SLC35F1: variants seen among roughly 807,000 people sequenced by gnomAD.
The protein encoded by SLC35F1 is solute carrier family 35 member F1.
SLC35F1 carries 14 observed loss-of-function variants against 48.7 expected under a neutral mutation model. That is an observed-to-expected ratio of 0.29 (90% confidence interval 0.19 to 0.45). The LOEUF is 0.45. Among genes scored for constraint, SLC35F1 ranks in the 20% least tolerant of loss-of-function variants. SLC35F1 has a pLI of 1.00. For missense variants in SLC35F1, 404 were observed against 500.0 expected (o/e 0.81, Z 1.83); for synonymous variants, 190 against 202.2 (o/e 0.94, Z 0.51).
intron 1 of SLC35F1, among the ~76,000 whole-genome samples, chr6:118,032,566 T>A (rs770428994): frequency 1.3e-5 from 2 of 152,178 alleles, no homozygotes; most frequent in Non-Finnish European, 2.9e-5. Context: ...GAAAAAATAA[T>A]AGTAATGTAG....
At chr6:118,076,428 C>A (rs984556842) in intron 1 of SLC35F1, among the ~76,000 whole-genome samples, 1 of 152,170 alleles carries the variant, frequency 6.6e-6, no homozygotes, top group African/African-American at 2.4e-5. Flanking sequence ...CACGGTTCTA[C>A]AGGCCGTACA....
rs185752454 is a variant in SLC35F1, at chr6:118,243,645, T to C, written c.477+8009T>C. Among the ~76,000 whole-genome samples the C allele has an allele frequency of 6.8e-4, 104 of 152,300 alleles. 1 individual carries two copies. The highest frequency in any genetic ancestry group is 2.4e-3 in the African/African-American group (100 of 41,550). ...TAGGTTTCATGTAAGTGTGGTCCCA[T>C]AGTCAAGAAGTATGACAGATGACAG... On this transcript the variant is annotated intron_variant, in intron 3 of 7. Transcript: ENST00000360388.
intron 1 of SLC35F1, among the ~76,000 whole-genome samples, chr6:118,088,730 G>A (rs567855321): frequency 6.6e-6 from 1 of 152,328 alleles, no homozygotes; most frequent in South Asian, 2.1e-4. Context: ...TTCAGCCATA[G>A]GGGTGATGGA....
intron 2 of SLC35F1, among the ~76,000 whole-genome samples, chr6:118,207,873 G>T (rs1205696401): frequency 6.6e-6 from 1 of 152,100 alleles, no homozygotes; most frequent in Non-Finnish European, 1.5e-5. Context: ...ATATTTAATG[G>T]AATTAGCTAC....
At chr6:118,102,078 C>T (rs948225834) in intron 1 of SLC35F1, among the ~76,000 whole-genome samples, 6 of 152,188 alleles carry the variant, frequency 3.9e-5, no homozygotes, top group African/African-American at 1.4e-4. Flanking sequence ...TTTATGATGG[C>T]CATGGCAGCT....
At chr6:118,285,428 T>G in intron 7 of SLC35F1, 90 bp downstream of exon 7, 2 of 1,454,748 alleles carry the variant, frequency 1.4e-6, no homozygotes, top group Non-Finnish European at 1.9e-6. Context: ...AATGCCCTGA[T>G]TTTGTGTAGG....
chr6:118,315,238 G>A lies in SLC35F1; in HGVS notation c.*986G>A, dbSNP rs1776417470. ...ACCTTTTTAAAAATACACCAGCATG[G>A]AAATTACCTTTATTGTGGAAAATCA... On this transcript the variant is annotated 3_prime_UTR_variant, in exon 8 of 8. Transcript: ENST00000360388. 6.6e-6 allele frequency: 1 copy of A among 152,484 alleles called. No homozygotes were observed. The highest frequency in any genetic ancestry group is 1.5e-5 in the Non-Finnish European group (1 of 68,012). 9.4% of individuals were successfully genotyped at this position (152,484 alleles called of 1,614,324 possible).
intron 1 of SLC35F1, among the ~76,000 whole-genome samples, chr6:118,007,034 T>G (rs548647821): frequency 1.0e-3 from 159 of 152,244 alleles, no homozygotes; most frequent in African/African-American, 3.6e-3. Context: ...CATGTTGTTT[T>G]TTTTTTTTAC....
intron 6 of SLC35F1, among the ~76,000 whole-genome samples, chr6:118,277,781 A>T (rs1775935487): frequency 6.6e-6 from 1 of 152,084 alleles, no homozygotes; most frequent in Admixed American, 6.5e-5. Flanking sequence ...AGATGCCATT[A>T]GGGGAGACAC....
At chr6:118,052,580 T>C (rs761729196) in intron 1 of SLC35F1, among the ~76,000 whole-genome samples, 1 of 152,226 alleles carries the variant, frequency 6.6e-6, no homozygotes, top group Non-Finnish European at 1.5e-5. Context: ...TCAGATATTA[T>C]CACCTTCTTT....
At chr6:117,917,780 C>CAGAGTGTGGAATTCTGGGGAGAAGTA (rs1775845388) in intron 1 of SLC35F1, among the ~76,000 whole-genome samples, 3 of 151,920 alleles carry the variant, frequency 2.0e-5, no homozygotes, top group Non-Finnish European at 2.9e-5. Context: ...GGGGAGAAGT[C>CAGAGTGTGGAATTCTGGGGAGAAGTA]AGAGCTTGGA....
chr6:118,092,371 A>T, intron 1 of SLC35F1, among the ~76,000 whole-genome samples: 1 of 152,184 alleles, frequency 6.6e-6, no homozygotes, highest in East Asian at 1.9e-4. Context: ...CTCCACCTAG[A>T]TTTCAGAGGA....
chr6:118,089,348 C>T (rs887874643), intron 1 of SLC35F1, among the ~76,000 whole-genome samples: 1 of 152,122 alleles, frequency 6.6e-6, no homozygotes, highest in Non-Finnish European at 1.5e-5. Context: ...TGAGAAGGTT[C>T]ATCCTTACGT....
At chr6:118,057,858 A>G (rs1034393499) in intron 1 of SLC35F1, among the ~76,000 whole-genome samples, 1 of 152,208 alleles carries the variant, frequency 6.6e-6, no homozygotes, top group African/African-American at 2.4e-5. Flanking sequence ...TCTGTTGTGT[A>G]GAGACAGAAG....
chr6:118,072,427 G>T (rs1772746910), intron 1 of SLC35F1, among the ~76,000 whole-genome samples: 1 of 152,090 alleles, frequency 6.6e-6, no homozygotes, highest in Admixed American at 6.5e-5. Context: ...AGCCAGGCGT[G>T]GTGGCAGGCG....
At chr6:118,116,672 T>A (rs1249338619) in intron 1 of SLC35F1, among the ~76,000 whole-genome samples, 1 of 152,188 alleles carries the variant, frequency 6.6e-6, no homozygotes, top group Non-Finnish European at 1.5e-5. Flanking sequence ...CCTGTTGATA[T>A]CTTGTGATGC....
intron 1 of SLC35F1, among the ~76,000 whole-genome samples, chr6:117,951,042 G>C (rs1381827978): frequency 6.6e-6 from 1 of 152,088 alleles, no homozygotes; most frequent in Non-Finnish European, 1.5e-5. Context: ...CTTATGTCTA[G>C]ATGTTCTATT....
chr6:118,131,209 A>G (rs1419487134), intron 1 of SLC35F1, among the ~76,000 whole-genome samples: 1 of 151,954 alleles, frequency 6.6e-6, no homozygotes, highest in African/African-American at 2.4e-5. Context: ...GAATTTTTTT[A>G]TTGATTCATC....
chr6:118,043,552 A>G lies in SLC35F1; in HGVS notation c.174-110893A>G, dbSNP rs139801112. ...TCTTATTTTCAACTGTTTACCTGGT[A>G]TCTAGAGTTAGAATTGGTACATAGT... On this transcript the variant is annotated intron_variant, in intron 1 of 7. Transcript: ENST00000360388. Among the ~76,000 whole-genome samples, 1,155 of 152,228 alleles carry G rather than the reference A, an allele frequency of 7.6e-3. 12 individuals carry two copies. The highest frequency in any genetic ancestry group is 0.024 in the Middle Eastern group (7 of 294).
Sources: allele counts gnomAD v4.1 joint callset (sites outside exome capture counted in the v4.1 genomes callset), GRCh38; gene constraint gnomAD v4.1.1; transcripts MANE v1.5; gene names NCBI Gene and HGNC (gene_info 2026-07-23, HGNC 2026-07-21).